Variants in SNTG2 observed in about 807,000 individuals in gnomAD.
SNTG2 encodes gamma-2-syntrophin.
In SNTG2, 74 loss-of-function variants were observed where a neutral mutation model predicts 70.9. The ratio of observed to expected loss-of-function variants is 1.04; its 90% CI spans 0.86 to 1.27. The LOEUF (loss-of-function observed/expected upper bound fraction) is 1.27, where lower values mean the gene tolerates loss of function less well. Ranked by LOEUF, SNTG2 falls within the 50% of genes most tolerant of loss-of-function variation. SNTG2 has a pLI of 0.00. For missense variants in SNTG2, 717 were observed against 690.7 expected, an observed-to-expected ratio of 1.04 and a Z score of -0.43; for synonymous variants, 278 against 273.8, an observed-to-expected ratio of 1.02 and a Z score of -0.15.
At chr2:1,328,881 ACG>A (rs1384837393) in intron 16 of SNTG2, among the ~76,000 whole-genome samples, 3 of 151,238 alleles carry the variant, frequency 2.0e-5, no homozygotes, top group Admixed American at 6.6e-5. Flanking sequence ...ACACATGCAC[ACG>A]CATACACACA....
intron 6 of SNTG2, among the ~76,000 whole-genome samples, chr2:1,162,593 G>A (rs753402674): frequency 6.2e-4 from 94 of 152,246 alleles, no homozygotes; most frequent in African/African-American, 1.4e-3. Flanking sequence ...CTCCCACACC[G>A]CACACTCTGC....
At chr2:1,311,838 C>A (rs1399934946) in intron 15 of SNTG2, among the ~76,000 whole-genome samples, 1 of 152,200 alleles carries the variant, frequency 6.6e-6, no homozygotes, top group Non-Finnish European at 1.5e-5. Context: ...ACCACACTAT[C>A]CTGTTAACTG....
At chr2:1,233,631 G>A (rs1264817674) in intron 9 of SNTG2, among the ~76,000 whole-genome samples, 1 of 152,180 alleles carries the variant, frequency 6.6e-6, no homozygotes, top group African/African-American at 2.4e-5. Context: ...GGAGACCTGA[G>A]CACGTAACTT....
intron 16 of SNTG2, among the ~76,000 whole-genome samples, chr2:1,333,757 C>A (rs2148286995): frequency 6.6e-6 from 1 of 152,282 alleles, no homozygotes; most frequent in South Asian, 2.1e-4. Context: ...GAAAGTGGAT[C>A]CTCATCTCTC....
At chr2:1,012,107 G>C (rs1171467419) in intron 1 of SNTG2, among the ~76,000 whole-genome samples, 1 of 152,132 alleles carries the variant, frequency 6.6e-6, no homozygotes, top group Non-Finnish European at 1.5e-5. Context: ...TTGCTATTGA[G>C]ATAATAATCT....
intron 11 of SNTG2, among the ~76,000 whole-genome samples, chr2:1,242,116 C>T (rs1403928699): frequency 6.6e-6 from 1 of 152,098 alleles, no homozygotes; most frequent in Non-Finnish European, 1.5e-5. Flanking sequence ...GAAGAACTAG[C>T]CCTGCTATAT....
At chr2:1,036,742 T>C (rs1661150567) in intron 1 of SNTG2, among the ~76,000 whole-genome samples, 1 of 152,238 alleles carries the variant, frequency 6.6e-6, no homozygotes, top group Admixed American at 6.5e-5. Context: ...ATTGTGTTAA[T>C]TATGTTGTTA....
chr2:967,140 G>C (rs1660595104), intron 1 of SNTG2, among the ~76,000 whole-genome samples: 1 of 152,176 alleles, frequency 6.6e-6, no homozygotes, highest in South Asian at 2.1e-4. Flanking sequence ...TGTTCAGGCA[G>C]ACCAGGGACA....
intron 1 of SNTG2, among the ~76,000 whole-genome samples, chr2:1,070,175 A>C (rs6752365): frequency 0.18 from 26,965 of 151,754 alleles, 2,474 homozygotes; most frequent in South Asian, 0.22. Context: ...GAGAGCAGGG[A>C]GGGAATTACC....
intron 8 of SNTG2, among the ~76,000 whole-genome samples, chr2:1,181,020 G>A (rs943958811): frequency 6.6e-6 from 1 of 152,000 alleles, no homozygotes; most frequent in African/African-American, 2.4e-5. Flanking sequence ...TGAACAATGA[G>A]AACACATGGA....
At chr2:1,008,706 A>G (rs1003172729) in intron 1 of SNTG2, among the ~76,000 whole-genome samples, 5 of 152,230 alleles carry the variant, frequency 3.3e-5, no homozygotes, top group South Asian at 4.1e-4. Flanking sequence ...TTAGAAAAAA[A>G]TACAGTAATG....
intron 6 of SNTG2, chr2:1,158,195 C>T (rs1410385569): frequency 1.3e-5 from 2 of 152,130 alleles, no homozygotes; most frequent in African/African-American, 2.4e-5. Flanking sequence ...ATAAAAGTAT[C>T]CTGGTTTTAA....
At chr2:1,055,077 G>T (rs1662307130) in intron 1 of SNTG2, among the ~76,000 whole-genome samples, 2 of 151,916 alleles carry the variant, frequency 1.3e-5, no homozygotes, top group South Asian at 2.1e-4. Flanking sequence ...TACCTCCTCT[G>T]TGCAGCCCAC....
At chr2:1,279,571 A>G (rs1353729502) in intron 14 of SNTG2, among the ~76,000 whole-genome samples, 1 of 152,210 alleles carries the variant, frequency 6.6e-6, no homozygotes, top group African/African-American at 2.4e-5. Context: ...TATTGCTTAT[A>G]TCATTTTTCA....
chr2:1,026,910 A>G (rs1660508875), intron 1 of SNTG2, among the ~76,000 whole-genome samples: 1 of 152,108 alleles, frequency 6.6e-6, no homozygotes, highest in Non-Finnish European at 1.5e-5. Context: ...TCTGCACAGC[A>G]GCCTTGCTGA....
At chr2:1,024,903 A>G (rs1660388845) in intron 1 of SNTG2, among the ~76,000 whole-genome samples, 2 of 152,248 alleles carry the variant, frequency 1.3e-5, no homozygotes, top group Admixed American at 1.3e-4. Flanking sequence ...TACTTACAAT[A>G]TGATTACTTG....
intron 1 of SNTG2, among the ~76,000 whole-genome samples, chr2:965,206 G>GACCCTTGT (rs1471493663): frequency 1.0e-5 from 1 of 98,852 alleles, no homozygotes; most frequent in Non-Finnish European, 2.3e-5. Flanking sequence ...CCTCCTCCTG[G>GACCCTTGT]TCCCCAATCC....
intron 8 of SNTG2, among the ~76,000 whole-genome samples, chr2:1,183,765 A>T (rs1672079753): frequency 6.6e-6 from 1 of 152,184 alleles, no homozygotes; most frequent in African/African-American, 2.4e-5. Flanking sequence ...ACTCAGATGC[A>T]AAAGGCATTT....
At position 1,012,253 on chromosome 2, in the gene SNTG2, G is replaced by C. The variant is rs116337548; in HGVS notation, c.72+61185G>C. On this transcript the variant is annotated intron_variant, in intron 1 of 16. Coordinates refer to ENST00000308624, the MANE Select transcript of SNTG2 (RefSeq NM_018968.4). ...GCCTACATTGCCAGGGACTTGCCATGGAGCTTCCATTAGATCCACAAAACA... is the reference window on the plus strand; with the variant it reads ...GCCTACATTGCCAGGGACTTGCCATCGAGCTTCCATTAGATCCACAAAACA... Among the ~76,000 whole-genome samples, 1,306 of 152,308 alleles carry C rather than the reference G, an allele frequency of 8.6e-3. 29 individuals carry two copies. Among genetic ancestry groups the C allele is most frequent in the African/African-American group, 0.03 (1,234 of 41,556 alleles).
Sources: allele counts gnomAD v4.1 joint callset (sites outside exome capture counted in the v4.1 genomes callset), GRCh38; gene constraint gnomAD v4.1.1; transcripts MANE v1.5; gene names NCBI Gene and HGNC (gene_info 2026-07-23, HGNC 2026-07-21).